Variants in IP6K3 observed in about 807,000 individuals in gnomAD.
The protein encoded by IP6K3 is ATP:1D-myo-inositol-hexakisphosphate phosphotransferase.
Under a neutral mutation model 28.8 loss-of-function variants are expected in IP6K3, and 20 were observed. The ratio of observed to expected loss-of-function variants is 0.70; its 90% CI spans 0.49 to 1.01. IP6K3 has a LOEUF of 1.01. Among genes scored for constraint, IP6K3 ranks in the 50% least tolerant of loss-of-function variants. The probability of loss-of-function intolerance (pLI) is 0.00; values close to 1 mark genes in which losing one functional copy is unlikely to be tolerated. For synonymous variants in IP6K3, 213 were observed against 221.3 expected, an observed-to-expected ratio of 0.96 and a Z score of 0.33; for missense variants, 480 against 537.1, an observed-to-expected ratio of 0.89 and a Z score of 1.05.
At position 33,722,928 on chromosome 6, in the gene IP6K3, C is replaced by T; in HGVS notation, c.1025G>A (p.Ser342Asn). 1 of 1,614,056 alleles carries T rather than the reference C, an allele frequency of 6.2e-7. No individual in the cohort carries two copies. The highest frequency in any genetic ancestry group is 8.5e-7 in the Non-Finnish European group (1 of 1,179,996). The change falls in exon 6 of 6, where the codon AGC (serine) becomes AAC (asparagine). Residue 342 changes from serine (S) to asparagine (N), a missense_variant. Physicochemically the swap from Ser to Asn is conservative, Grantham distance 46. Transcript: ENST00000293756. ...CTGGGGAGCCTCGTGAGGATGCGGGCTGCCTGGGGCTCTTTCTGGTGGTTC... is the reference window on the plus strand; with the variant it reads ...CTGGGGAGCCTCGTGAGGATGCGGGTTGCCTGGGGCTCTTTCTGGTGGTTC... ...GQEPPERAPG[S>N]PHPHEAPQAA... is the part of the protein sequence containing the mutation.
At chr6:33,750,407 G>A (rs971148671), upstream of IP6K3, among the ~76,000 whole-genome samples, 33 of 152,128 alleles carry the variant, frequency 2.2e-4, no homozygotes, top group Non-Finnish European at 4.0e-4. The surrounding 1 kb of genome is among the most constrained non-coding windows in gnomAD (Gnocchi z 4.3). Context: ...CTCACACCTG[G>A]TTAACTCCTC....
intron 2 of IP6K3, among the ~76,000 whole-genome samples, chr6:33,728,517 T>C (rs1023354847): frequency 6.6e-6 from 1 of 152,222 alleles, no homozygotes; most frequent in African/African-American, 2.4e-5. Context: ...GAAAATAGCC[T>C]TGGGCTGATC....
Position 33,735,353 on chromosome 6 carries a change from G to A in IP6K3, c.124C>T (p.Pro42Ser). 6.2e-7 allele frequency: 1 copy of A among 1,607,294 alleles called. No homozygotes were observed. Among genetic ancestry groups the A allele is most frequent in the Non-Finnish European group, 8.5e-7 (1 of 1,176,600 alleles). Reference sequence around the variant, plus strand: ...AACCTCTGCTCCCGGGAGACGAGGGGCTTGCACACCGTATGCTCGTCATAC... The same window carrying A: ...AACCTCTGCTCCCGGGAGACGAGGGACTTGCACACCGTATGCTCGTCATAC... Reference protein sequence around the residue: ...MKYDEHTVCKPLVSREQRFYE... With the variant: ...MKYDEHTVCKSLVSREQRFYE... Residue 42 changes from proline (P) to serine (S), a missense_variant, in exon 2 of 6, where the codon CCC (proline) becomes TCC (serine). Physicochemically the swap from Pro to Ser is moderately conservative, Grantham distance 74. Transcript: ENST00000293756.
At chr6:33,725,690 C>T in intron 4 of IP6K3, 74 bp from the exon 5 acceptor site, 1 of 1,395,764 alleles carries the variant, frequency 7.2e-7, no homozygotes, top group Non-Finnish European at 9.9e-7. Context: ...TTGCATGCCT[C>T]AGAAGCTGCC....
At chr6:33,724,517 A>G (rs952749281) in intron 5 of IP6K3, among the ~76,000 whole-genome samples, 1 of 152,218 alleles carries the variant, frequency 6.6e-6, no homozygotes, top group African/African-American at 2.4e-5. Context: ...CATAAGCCAC[A>G]TCAGAGCCCC....
At chr6:33,756,489 T>TGTGA in the IP6K3 span, among the ~76,000 whole-genome samples, 2 of 149,938 alleles carry the variant, frequency 1.3e-5, no homozygotes, top group African/African-American at 2.4e-5. Flanking sequence ...TGTGTGTGTG[T>TGTGA]GAGAGACAGA....
chr6:33,726,951 G>A, intron 3 of IP6K3, 45 bp from the exon 4 acceptor site: 1 of 1,518,278 alleles, frequency 6.6e-7, no homozygotes, highest in Non-Finnish European at 8.9e-7. Context: ...GAGGTCTGGG[G>A]AAGGGCGCCG....
At chr6:33,749,207 C>T (rs560081266), upstream of IP6K3, among the ~76,000 whole-genome samples, 1 of 152,130 alleles carries the variant, frequency 6.6e-6, no homozygotes, top group Non-Finnish European at 1.5e-5. Context: ...CCAGGAGGGC[C>T]TGTCCACATT....
chr6:33,758,353 A>AAAAC, the IP6K3 span, among the ~76,000 whole-genome samples: 2 of 152,182 alleles, frequency 1.3e-5, no homozygotes, highest in South Asian at 4.1e-4. Flanking sequence ...ATCTCTTCAA[A>AAAAC]AAACAAACAA....
chr6:33,745,605 A>G (rs1766879608), intron 1 of IP6K3, among the ~76,000 whole-genome samples: 1 of 152,114 alleles, frequency 6.6e-6, no homozygotes, highest in Non-Finnish European at 1.5e-5. Context: ...TTTCTAATTG[A>G]AAGAGATTTA....
At chr6:33,735,204 C>CGTG in intron 2 of IP6K3, 74 bp downstream of exon 2, 3 of 1,252,642 alleles carry the variant, frequency 2.4e-6, no homozygotes, top group Non-Finnish European at 3.4e-6. Context: ...CACAGGAGGA[C>CGTG]GTGGTGGGTG....
At chr6:33,731,145 C>T (rs1271332179) in intron 2 of IP6K3, among the ~76,000 whole-genome samples, 2 of 152,186 alleles carry the variant, frequency 1.3e-5, no homozygotes, top group Non-Finnish European at 2.9e-5. Flanking sequence ...CCAGCAGCCT[C>T]GTGCAGTTCC....
intron 1 of IP6K3, among the ~76,000 whole-genome samples, chr6:33,737,098 G>A (rs187292946): frequency 6.6e-6 from 1 of 152,244 alleles, no homozygotes. Flanking sequence ...GTAAAGCCGG[G>A]GCCTGCTCTT....
chr6:33,755,230 C>T, the IP6K3 span, among the ~76,000 whole-genome samples: 2 of 152,260 alleles, frequency 1.3e-5, no homozygotes, highest in South Asian at 2.1e-4. Flanking sequence ...ACCCAGACCC[C>T]AAGTTCTGAG....
rs138098407 is a variant in IP6K3, at chr6:33,723,124, C to T, written c.829G>A (p.Val277Met). 4.3e-4 allele frequency: 698 copies of T among 1,613,918 alleles called. 3 individuals are homozygous for T. The African/African-American group carries it at 7.3e-3, about 17-fold the overall frequency. ...TAGAGGGCTTGTCTGAACCCCTCCA[C>T]TGAGAGTTTTCTTCCATAGTACTTG... is the stretch of plus-strand genomic sequence containing the variant. Reference protein sequence around the residue: ...KDKYYGRKLSVEGFRQALYQF... With the variant: ...KDKYYGRKLSMEGFRQALYQF... The change falls in exon 6 of 6, where the codon GTG becomes ATG. Residue 277 changes from valine (V) to methionine (M), a missense_variant. Physicochemically the swap from Val to Met is conservative, Grantham distance 21. Coordinates refer to ENST00000293756, the MANE Select transcript of IP6K3 (RefSeq NM_054111.5).
chr6:33,751,434 G>A (rs192404362), upstream of IP6K3, among the ~76,000 whole-genome samples: 1 of 152,238 alleles, frequency 6.6e-6, no homozygotes, highest in African/African-American at 2.4e-5. The surrounding 1 kb of genome is among the most constrained non-coding windows in gnomAD (Gnocchi z 4.3). Flanking sequence ...TGACTGGGAA[G>A]CAAGGGTGTT....
At chr6:33,754,791 G>A in the IP6K3 span, among the ~76,000 whole-genome samples, 8 of 152,206 alleles carry the variant, frequency 5.3e-5, no homozygotes, top group Non-Finnish European at 5.9e-5. Flanking sequence ...CGAGAGCAGG[G>A]GTTCAGATCA....
intron 1 of IP6K3, among the ~76,000 whole-genome samples, chr6:33,739,600 AGCTCTGTGG>A (rs1168192173): frequency 6.6e-6 from 1 of 152,228 alleles, no homozygotes; most frequent in Non-Finnish European, 1.5e-5. Context: ...TGTGGCCTCC[AGCTCTGTGG>A]GATTGAGCTG....
the IP6K3 span, among the ~76,000 whole-genome samples, chr6:33,755,096 C>T: frequency 6.6e-6 from 1 of 152,186 alleles, no homozygotes; most frequent in Non-Finnish European, 1.5e-5. Flanking sequence ...CCCAGAGGGT[C>T]GTGGGGCTCT....
Sources: allele counts gnomAD v4.1 joint callset (sites outside exome capture counted in the v4.1 genomes callset), GRCh38; gene constraint gnomAD v4.1.1; non-coding constraint Gnocchi (gnomAD v3.1); transcripts MANE v1.5; gene names NCBI Gene and HGNC (gene_info 2026-07-23, HGNC 2026-07-21).